TC2N: variants seen among roughly 807,000 people sequenced by gnomAD.
TC2N encodes the protein tandem C2 domains, nuclear.
Under a neutral mutation model 61.9 loss-of-function variants are expected in TC2N, and 51 were observed. The observed-to-expected ratio is 0.82, with a 90% CI of 0.66 to 1.04. The LOEUF is 1.04. TC2N is among the 50% of genes least tolerant of loss of function. The probability of loss-of-function intolerance (pLI) is 0.00; values close to 1 mark genes in which losing one functional copy is unlikely to be tolerated. For synonymous variants in TC2N, 204 were observed against 192.6 expected (o/e 1.06, Z -0.49); for missense variants, 556 against 566.7 (o/e 0.98, Z 0.19).
chr14:91,830,598 G>A (rs781058770), intron 1 of TC2N, among the ~76,000 whole-genome samples: 2 of 152,016 alleles, frequency 1.3e-5, no homozygotes, highest in African/African-American at 2.4e-5. Flanking sequence ...TTTTTTAGGA[G>A]GGTGACAAGA....
At chr14:91,865,320 A>G (rs1374186796) in intron 1 of TC2N, among the ~76,000 whole-genome samples, 3 of 151,886 alleles carry the variant, frequency 2.0e-5, no homozygotes, top group Non-Finnish European at 4.4e-5. Context: ...AAAAGCTACC[A>G]AAGTGATAAA....
chr14:91,857,635 C>T (rs1165239634), intron 1 of TC2N, among the ~76,000 whole-genome samples: 2 of 152,284 alleles, frequency 1.3e-5, no homozygotes, highest in African/African-American at 4.8e-5. Context: ...TAAATTAGTC[C>T]AGGTCACAAA....
At chr14:91,801,528 A>G (rs1452384001) in intron 4 of TC2N, among the ~76,000 whole-genome samples, 3 of 152,112 alleles carry the variant, frequency 2.0e-5, no homozygotes, top group Admixed American at 1.3e-4. Flanking sequence ...GTGGTGGCAC[A>G]CTTCTGTAGC....
At chr14:91,840,075 C>T (rs1036829004) in intron 1 of TC2N, among the ~76,000 whole-genome samples, 6 of 152,218 alleles carry the variant, frequency 3.9e-5, no homozygotes, top group Non-Finnish European at 7.3e-5. Context: ...CATTCCATGA[C>T]AACCTTGGAC....
At chr14:91,815,109 GAA>G (rs1886951539) in intron 1 of TC2N, among the ~76,000 whole-genome samples, 1 of 151,540 alleles carries the variant, frequency 6.6e-6, no homozygotes, top group Admixed American at 6.6e-5. Context: ...AGCTGATAAA[GAA>G]ACTAAGTATC....
At chr14:91,799,144 C>G (rs1595231534) in intron 5 of TC2N, 80 bp from the exon 6 acceptor site, 1 of 865,680 alleles carries the variant, frequency 1.2e-6, no homozygotes, top group East Asian at 2.8e-5. Flanking sequence ...AATATCCATC[C>G]TAGTAACAAA....
intron 1 of TC2N, among the ~76,000 whole-genome samples, chr14:91,845,199 G>A (rs1888246391): frequency 6.6e-6 from 1 of 151,852 alleles, no homozygotes; most frequent in South Asian, 2.1e-4. Flanking sequence ...CTGCATTCCA[G>A]CCTGGGCAGC....
chr14:91,813,710 T>G lies in TC2N; in HGVS notation c.60A>C (p.Lys20Asn). ...AGTCAAAATAAAACTCACAGTTGTG[T>G]TTTTCTGTTTCACCATAGAAACATC... ...CGGCFYGETEKHNFSVERDFK... is the reference protein window; with the variant it reads ...CGGCFYGETENHNFSVERDFK... The change falls in exon 2 of 12, where the codon AAA becomes AAC. Residue 20 changes from lysine (K) to asparagine (N), a missense_variant. By Grantham distance (94) the Lys-to-Asn change is moderately conservative. Transcript: ENST00000435962. 1 of 1,603,934 alleles carries G rather than the reference T, an allele frequency of 6.2e-7. No individual in the cohort carries two copies. Among genetic ancestry groups the G allele is most frequent in the Non-Finnish European group, 8.5e-7 (1 of 1,172,466 alleles).
At chr14:91,862,367 A>G (rs1453018110) in intron 1 of TC2N, among the ~76,000 whole-genome samples, 1 of 151,732 alleles carries the variant, frequency 6.6e-6, no homozygotes, top group East Asian at 1.9e-4. Context: ...AAGAAAGAGA[A>G]AAAGAAGTAA....
At position 91,780,735 on chromosome 14, in the gene TC2N, T is replaced by C. The variant is rs972906184; in HGVS notation, c.*2365A>G. ...TGCCTAGGCAAATATGAAGAGAAGT[T>C]ATTTTGGCATAGAATCTCATTTTTT... On this transcript the variant is annotated 3_prime_UTR_variant, in exon 12 of 12. Coordinates refer to ENST00000435962, the MANE Select transcript of TC2N (RefSeq NM_001128596.3). The C allele has an allele frequency of 6.6e-6, 1 of 152,182 alleles. No individual in the cohort carries two copies. The highest frequency in any genetic ancestry group is 2.4e-5 in the African/African-American group (1 of 41,438). 9.4% of individuals were successfully genotyped at this position (152,182 alleles called of 1,614,324 possible). A position where few individuals can be genotyped will look rare whatever the true frequency, so the allele number is the denominator to read the frequency against.
chr14:91,827,330 G>C (rs1887546780), intron 1 of TC2N, among the ~76,000 whole-genome samples: 1 of 152,142 alleles, frequency 6.6e-6, no homozygotes, highest in South Asian at 2.1e-4. Context: ...GTTTCACTGA[G>C]CTAAAATCAA....
At chr14:91,788,297 C>T (rs1885463863) in intron 9 of TC2N, among the ~76,000 whole-genome samples, 1 of 152,204 alleles carries the variant, frequency 6.6e-6, no homozygotes, top group South Asian at 2.1e-4. Flanking sequence ...TGCTGACCAA[C>T]AGCAGAAGAA....
At chr14:91,862,183 CA>C (rs1381637008) in intron 1 of TC2N, among the ~76,000 whole-genome samples, 3 of 150,896 alleles carry the variant, frequency 2.0e-5, no homozygotes, top group Non-Finnish European at 4.4e-5. Context: ...ACCAAAAATA[CA>C]AAAAAATCAG....
At position 91,783,223 on chromosome 14, in the gene TC2N, G is replaced by A; in HGVS notation, c.1363-13C>T. The A allele has an allele frequency of 6.9e-7, 1 of 1,440,062 alleles. No homozygotes were observed. The highest frequency in any genetic ancestry group is 2.3e-5 in the East Asian group (1 of 43,560). 89.2% of individuals were successfully genotyped at this position (1,440,062 alleles called of 1,614,324 possible). On this transcript the variant is annotated splice_polypyrimidine_tract_variant and intron_variant, in intron 11 of 11. Coordinates refer to ENST00000435962, the MANE Select transcript of TC2N (RefSeq NM_001128596.3). Reference sequence around the variant, plus strand: ...CACTTATCCAAATCTGTAAAGGAAAGTATGTACAATCATTTAACTTGACAC... The same window carrying A: ...CACTTATCCAAATCTGTAAAGGAAAATATGTACAATCATTTAACTTGACAC...
chr14:91,821,227 C>T (rs1462368203), intron 1 of TC2N, among the ~76,000 whole-genome samples: 1 of 151,760 alleles, frequency 6.6e-6, no homozygotes, highest in African/African-American at 2.4e-5. Flanking sequence ...AAATTTACTA[C>T]AAAACTAGTC....
chr14:91,784,804 TTAAAC>T (rs1255417258), intron 11 of TC2N, among the ~76,000 whole-genome samples: 1 of 152,118 alleles, frequency 6.6e-6, no homozygotes, highest in Non-Finnish European at 1.5e-5. Flanking sequence ...AAATCAAAGA[TTAAAC>T]AAAATAAATT....
chr14:91,788,312 G>A (rs1182213835), intron 9 of TC2N, among the ~76,000 whole-genome samples: 2 of 152,180 alleles, frequency 1.3e-5, no homozygotes, highest in African/African-American at 4.8e-5. Flanking sequence ...GAAGAAAGTT[G>A]GTTATTTGTC....
At chr14:91,801,023 TAC>T (rs561108692) in intron 4 of TC2N, among the ~76,000 whole-genome samples, 12 of 150,694 alleles carry the variant, frequency 8.0e-5, no homozygotes, top group African/African-American at 2.4e-4. Flanking sequence ...TACATATATA[TAC>T]ACACACATAT....
chr14:91,857,854 G>C (rs1285726230), intron 1 of TC2N, among the ~76,000 whole-genome samples: 1 of 152,178 alleles, frequency 6.6e-6, no homozygotes, highest in Non-Finnish European at 1.5e-5. Flanking sequence ...AGTAACAGCT[G>C]TTTGGCCAGG....
Sources: gnomAD v4.1 joint callset for allele counts (sites outside exome capture counted in the v4.1 genomes callset) on GRCh38, gnomAD v4.1.1 for gene constraint, MANE v1.5 for transcripts, NCBI Gene and HGNC (gene_info 2026-07-23, HGNC 2026-07-21) for gene names.